Variants in SEMA6D observed in about 807,000 individuals in gnomAD.
The protein encoded by SEMA6D is semaphorin 6D.
Under a neutral mutation model 106.6 loss-of-function variants are expected in SEMA6D, and 35 were observed. The observed-to-expected ratio is 0.33, with a 90% confidence interval of 0.25 to 0.44. The LOEUF (loss-of-function observed/expected upper bound fraction) is 0.44. Ranked by LOEUF, SEMA6D falls within the 20% of genes least tolerant of loss-of-function variation. The pLI, the probability that SEMA6D is intolerant of heterozygous loss-of-function variation, is 1.00. For missense variants in SEMA6D, 1,185 were observed against 1,345.9 expected (o/e 0.88, Z 1.87); for synonymous variants, 499 against 487.7 (o/e 1.02, Z -0.31).
intron 1 of SEMA6D, among the ~76,000 whole-genome samples, chr15:47,251,369 A>G (rs931381447): frequency 6.6e-6 from 1 of 152,168 alleles, no homozygotes; most frequent in Non-Finnish European, 1.5e-5. Flanking sequence ...AGCATGGCGT[A>G]TAATATCTAC....
intron 1 of SEMA6D, among the ~76,000 whole-genome samples, chr15:47,338,613 A>C (rs2037672913): frequency 6.6e-6 from 1 of 152,248 alleles, no homozygotes; most frequent in African/African-American, 2.4e-5. Flanking sequence ...CCTGGGAGAC[A>C]TTAATACAAT....
chr15:47,566,025 G>A (rs2046220794), intron 3 of SEMA6D, among the ~76,000 whole-genome samples: 1 of 152,124 alleles, frequency 6.6e-6, no homozygotes, highest in African/African-American at 2.4e-5. Context: ...TATTATACAG[G>A]GATATAGGCC....
rs547621275 is a variant in SEMA6D at position 47,612,879 on chromosome 15, T to C, written c.-55+11983T>C. On this transcript the variant is annotated intron_variant, in intron 4 of 19. Transcript: ENST00000558014. ...GGCAACTTGCTATAAATCTGCAACT[T>C]TTACAACTTCTTTTCTAGATCTTGT... Among the ~76,000 whole-genome samples, 20 of 152,308 alleles carry C rather than the reference T, an allele frequency of 1.3e-4. No individual in the cohort carries two copies. In the South Asian group the frequency reaches 3.3e-3, roughly 25 times the overall value.
intron 1 of SEMA6D, among the ~76,000 whole-genome samples, chr15:47,278,588 C>A (rs1036380551): frequency 1.4e-4 from 22 of 152,196 alleles, no homozygotes; most frequent in Admixed American, 1.4e-3. Context: ...ATGGTAGTTT[C>A]TTTTGCTGTG....
Position 47,193,016 on chromosome 15 carries a change from C to A in SEMA6D, c.-239+8598C>A, listed in dbSNP as rs945667487. Among the ~76,000 whole-genome samples the A allele has an allele frequency of 5.3e-5, 8 of 152,162 alleles. 1 individual carries two copies. The South Asian group carries it at 1.7e-3, about 32-fold the overall frequency. The stretch of plus-strand genomic sequence containing the variant: ...CTATCCTTCTGGTCTGAGAAACCAT[C>A]ATTTTGGGCCTGGATCATTGCCTTA... On this transcript the variant is annotated intron_variant, in intron 1 of 19. Coordinates refer to the SEMA6D transcript ENST00000558014.
intron 1 of SEMA6D, among the ~76,000 whole-genome samples, chr15:47,401,672 C>G (rs1378651134): frequency 6.6e-6 from 1 of 152,184 alleles, no homozygotes; most frequent in Non-Finnish European, 1.5e-5. Context: ...GCAGTAAGCT[C>G]TTCCCTGCCC....
chr15:47,715,887 T>G (rs1450940730), upstream of SEMA6D, among the ~76,000 whole-genome samples: 1 of 152,218 alleles, frequency 6.6e-6, no homozygotes, highest in African/African-American at 2.4e-5. Context: ...GCCACCCCCT[T>G]GCAATCTTTA....
chr15:47,494,136 A>G (rs2043559351), intron 3 of SEMA6D, among the ~76,000 whole-genome samples: 1 of 152,154 alleles, frequency 6.6e-6, no homozygotes, highest in Non-Finnish European at 1.5e-5. Flanking sequence ...TACAGTCAAC[A>G]GTGTGTACTA....
intron 2 of SEMA6D, among the ~76,000 whole-genome samples, chr15:47,439,944 T>G (rs1157080515): frequency 6.6e-6 from 1 of 152,120 alleles, no homozygotes; most frequent in African/African-American, 2.4e-5. Context: ...ACAATGCATC[T>G]GAGACATAGT....
At chr15:47,474,735 G>T (rs1246117633) in intron 3 of SEMA6D, among the ~76,000 whole-genome samples, 1 of 152,160 alleles carries the variant, frequency 6.6e-6, no homozygotes, top group Admixed American at 6.5e-5. Context: ...CTCAGCAAAT[G>T]GTCCCTTTGT....
At chr15:47,235,751 G>A (rs538428671) in intron 1 of SEMA6D, among the ~76,000 whole-genome samples, 1 of 152,192 alleles carries the variant, frequency 6.6e-6, no homozygotes, top group South Asian at 2.1e-4. Context: ...GTCAGGTAAT[G>A]TGATACCTCC....
At chr15:47,349,972 G>C (rs2038250436) in intron 1 of SEMA6D, among the ~76,000 whole-genome samples, 1 of 152,130 alleles carries the variant, frequency 6.6e-6, no homozygotes. Context: ...GTTGGAGAAT[G>C]ACCTTTTGTC....
chr15:47,345,566 C>T (rs1020749873), intron 1 of SEMA6D, among the ~76,000 whole-genome samples: 1 of 152,032 alleles, frequency 6.6e-6, no homozygotes, highest in Admixed American at 6.6e-5. Flanking sequence ...AATATTGGAT[C>T]AGAGACCTAA....
intron 4 of SEMA6D, among the ~76,000 whole-genome samples, chr15:47,657,486 G>C (rs1207165577): frequency 6.6e-6 from 1 of 151,762 alleles, no homozygotes; most frequent in Admixed American, 6.6e-5. Context: ...TTGAACTAGG[G>C]ATTACAGGTA....
At chr15:47,628,225 G>T (rs1015675483) in intron 4 of SEMA6D, among the ~76,000 whole-genome samples, 2 of 151,816 alleles carry the variant, frequency 1.3e-5, no homozygotes, top group Admixed American at 6.6e-5. Context: ...AACTATTATG[G>T]GCATTCATAC....
intron 1 of SEMA6D, among the ~76,000 whole-genome samples, chr15:47,717,994 T>C (rs921961083): frequency 1.3e-5 from 2 of 152,126 alleles, no homozygotes; most frequent in East Asian, 3.9e-4. Context: ...AGCTGGCGGC[T>C]TAGGGGGAGG....
chr15:47,622,022 G>A (rs952572395), intron 4 of SEMA6D, among the ~76,000 whole-genome samples: 1 of 152,076 alleles, frequency 6.6e-6, no homozygotes. Flanking sequence ...TTCATGAGGA[G>A]GAAGTCCCTG....
chr15:47,319,044 T>C (rs1441878887), intron 1 of SEMA6D, among the ~76,000 whole-genome samples: 2 of 152,314 alleles, frequency 1.3e-5, no homozygotes, highest in Non-Finnish European at 2.9e-5. Context: ...CAGTTTTATT[T>C]CTCTTTGCTT....
At chr15:47,415,225 G>A (rs1252421273) in intron 2 of SEMA6D, among the ~76,000 whole-genome samples, 3 of 152,088 alleles carry the variant, frequency 2.0e-5, no homozygotes, top group Non-Finnish European at 4.4e-5. Flanking sequence ...ACAACAAAAT[G>A]CAATCATTAT....
Sources: allele counts gnomAD v4.1 joint callset (sites outside exome capture counted in the v4.1 genomes callset), GRCh38; gene constraint gnomAD v4.1.1; transcripts MANE v1.5; gene names NCBI Gene and HGNC (gene_info 2026-07-23, HGNC 2026-07-21).